STRBP: variants seen among roughly 807,000 people sequenced by gnomAD.
STRBP encodes spermatid perinuclear RNA-binding protein.
In STRBP, 13 loss-of-function variants were observed where a neutral mutation model predicts 80.1. That is an observed-to-expected ratio of 0.16 (90% CI 0.11 to 0.26). The LOEUF (loss-of-function observed/expected upper bound fraction) is 0.26, where lower values mean the gene tolerates loss of function less well. Ranked by LOEUF, STRBP falls within the 10% of genes least tolerant of loss-of-function variation. The pLI is 1.00. For missense variants in STRBP, 485 were observed against 815.2 expected, an observed-to-expected ratio of 0.59 and a Z score of 4.93; for synonymous variants, 284 against 291.2, an observed-to-expected ratio of 0.98 and a Z score of 0.25.
chr9:123,196,438 C>T (rs966607851), intron 2 of STRBP, among the ~76,000 whole-genome samples: 2 of 151,884 alleles, frequency 1.3e-5, no homozygotes, highest in African/African-American at 4.8e-5. Flanking sequence ...AAGAGACAAC[C>T]CAAAGAATGG....
chr9:123,161,415 CAGG>C (rs998193927), intron 6 of STRBP, among the ~76,000 whole-genome samples: 39 of 152,176 alleles, frequency 2.6e-4, no homozygotes, highest in Admixed American at 2.4e-3. Context: ...TTTCCTTTGG[CAGG>C]ATGCAAAGAA....
intron 2 of STRBP, among the ~76,000 whole-genome samples, chr9:123,212,107 G>A (rs946604754): frequency 6.6e-6 from 1 of 151,924 alleles, no homozygotes; most frequent in Non-Finnish European, 1.5e-5. Flanking sequence ...ATTTTTTTCA[G>A]TTATTAGAAA....
At chr9:123,195,070 C>T (rs1233346571) in intron 2 of STRBP, among the ~76,000 whole-genome samples, 1 of 152,128 alleles carries the variant, frequency 6.6e-6, no homozygotes, top group Non-Finnish European at 1.5e-5. Context: ...AAATAATCAA[C>T]ACATCCACTT....
At chr9:123,213,276 A>G (rs2039776300) in intron 2 of STRBP, among the ~76,000 whole-genome samples, 1 of 152,220 alleles carries the variant, frequency 6.6e-6, no homozygotes, top group South Asian at 2.1e-4. Flanking sequence ...CTCAGTATGC[A>G]ACAAATTCTC....
At chr9:123,176,321 C>T (rs1256346478) in intron 4 of STRBP, among the ~76,000 whole-genome samples, 3 of 152,192 alleles carry the variant, frequency 2.0e-5, no homozygotes, top group African/African-American at 4.8e-5. Context: ...AGCACATCAT[C>T]GTCTCTCCCT....
downstream of STRBP, chr9:123,121,402 C>T (rs1197195966): frequency 2.0e-5 from 3 of 152,212 alleles, no homozygotes; most frequent in Non-Finnish European, 1.5e-5. Flanking sequence ...CTAACCCTCA[C>T]ATCTTTACAT....
chr9:123,133,075 G>A, intron 16 of STRBP, 107 bp from the exon 17 acceptor site: 1 of 1,376,584 alleles, frequency 7.3e-7, no homozygotes, highest in Non-Finnish European at 9.9e-7. Flanking sequence ...GCACGTGGGT[G>A]AGACCATGAG....
rs1172361732 is a variant in STRBP at position 123,115,234 on chromosome 9, A to G, written c.*84+695T>C. 2.1e-6 allele frequency: 1 copy of G among 470,408 alleles called. No homozygotes were observed. 29.1% of individuals were successfully genotyped at this position (470,408 alleles called of 1,614,324 possible). A position where few individuals can be genotyped will look rare whatever the true frequency, so the allele number is the denominator to read the frequency against. On this transcript the variant is annotated intron_variant and NMD_transcript_variant, in intron 3 of 3. Coordinates refer to the STRBP transcript ENST00000471564. This position sits in a 1 kb window ranked among gnomAD's most constrained non-coding sequence, Gnocchi z 5.0. ...TGCATGCATGCCAGGCCCGCCTCTG[A>G]CTCCCCTCCTGGGGATCCCGTCTGG...
intron 8 of STRBP, among the ~76,000 whole-genome samples, 194 bp downstream of exon 8, chr9:123,160,173 G>C (rs2037463377): frequency 2.6e-5 from 4 of 152,150 alleles, no homozygotes; most frequent in African/African-American, 9.7e-5. Context: ...ATACAATGAG[G>C]TAGAAGAGGC....
chr9:123,243,955 C>T (rs1310323589), intron 1 of STRBP, among the ~76,000 whole-genome samples: 6 of 152,274 alleles, frequency 3.9e-5, no homozygotes, highest in Middle Eastern at 6.8e-3. Context: ...TACATCCACA[C>T]AAAAGTCCAC....
At chr9:123,244,626 T>C (rs2040762949) in intron 1 of STRBP, among the ~76,000 whole-genome samples, 1 of 152,234 alleles carries the variant, frequency 6.6e-6, no homozygotes, top group Non-Finnish European at 1.5e-5. Flanking sequence ...TGAAGTCTAC[T>C]AATCTTTCTC....
chr9:123,109,589 G>C (rs2035530963), exon 4 of STRBP: 2 of 152,278 alleles, frequency 1.3e-5, no homozygotes, highest in South Asian at 4.1e-4. Flanking sequence ...AGCCAGACAA[G>C]AGGGTCAGTC....
chr9:123,174,539 C>G (rs2038137686), intron 4 of STRBP, among the ~76,000 whole-genome samples: 1 of 152,204 alleles, frequency 6.6e-6, no homozygotes, highest in African/African-American at 2.4e-5. Context: ...GCACAGAAAT[C>G]TAAAAGACCT....
At chr9:123,134,917 T>G (rs1420252394) in intron 16 of STRBP, among the ~76,000 whole-genome samples, 2 of 152,238 alleles carry the variant, frequency 1.3e-5, no homozygotes, top group Non-Finnish European at 2.9e-5. Flanking sequence ...ACATGCGTAA[T>G]TTAAAGGCTT....
At chr9:123,197,271 T>C (rs2039126422) in intron 2 of STRBP, among the ~76,000 whole-genome samples, 1 of 152,188 alleles carries the variant, frequency 6.6e-6, no homozygotes, top group African/African-American at 2.4e-5. Context: ...AGATGGTATA[T>C]GGGTACAAAA....
intron 1 of STRBP, among the ~76,000 whole-genome samples, chr9:123,253,698 T>A (rs2040963177): frequency 6.6e-6 from 1 of 152,266 alleles, no homozygotes; most frequent in Admixed American, 6.5e-5. Flanking sequence ...ATTCATTATG[T>A]GCCTGACACA....
At chr9:123,151,018 T>C (rs2037035264) in intron 11 of STRBP, among the ~76,000 whole-genome samples, 1 of 152,164 alleles carries the variant, frequency 6.6e-6, no homozygotes, top group Non-Finnish European at 1.5e-5. Context: ...CTTTAAATTA[T>C]CTACAATTTC....
intron 3 of STRBP, chr9:123,113,734 A>G (rs968598711): frequency 1.8e-5 from 3 of 167,170 alleles, no homozygotes; most frequent in African/African-American, 7.2e-5. Context: ...GCCAAAGGGT[A>G]AGTCATCTCT....
At chr9:123,137,830 A>G (rs2036426580) in intron 14 of STRBP, among the ~76,000 whole-genome samples, 1 of 152,228 alleles carries the variant, frequency 6.6e-6, no homozygotes, top group Non-Finnish European at 1.5e-5. Context: ...ACAATTTTTA[A>G]GGACAAGTTT....
Sources: allele counts gnomAD v4.1 joint callset (sites outside exome capture counted in the v4.1 genomes callset), GRCh38; gene constraint gnomAD v4.1.1; non-coding constraint Gnocchi (gnomAD v3.1); transcripts MANE v1.5; gene names NCBI Gene and HGNC (gene_info 2026-07-23, HGNC 2026-07-21).